The following SUN1 variants were observed in gnomAD, a reference collection of about 807,000 sequenced individuals.
SUN1 encodes SUN domain-containing protein 1.
Under a neutral mutation model 103.2 loss-of-function variants are expected in SUN1, and 61 were observed. That is an observed-to-expected ratio of 0.59 (90% confidence interval 0.48 to 0.73). The LOEUF (loss-of-function observed/expected upper bound fraction) is 0.73. Among genes scored for constraint, SUN1 ranks in the 30% least tolerant of loss-of-function variants. SUN1 has a pLI of 0.00. For missense variants in SUN1, 1,052 were observed against 1,034.6 expected, an observed-to-expected ratio of 1.02 and a Z score of -0.23; for synonymous variants, 490 against 425.7, an observed-to-expected ratio of 1.15 and a Z score of -1.86.
At chr7:847,211 TGGC>T (rs1562654997) in intron 5 of SUN1, among the ~76,000 whole-genome samples, 1 of 152,120 alleles carries the variant, frequency 6.6e-6, no homozygotes, top group Non-Finnish European at 1.5e-5. Flanking sequence ...CCAGCGGAGT[TGGC>T]GGCCTTCCCC....
chr7:866,132 C>A, intron 16 of SUN1, 65 bp downstream of exon 16: 2 of 1,386,002 alleles, frequency 1.4e-6, no homozygotes, highest in South Asian at 1.2e-5. Flanking sequence ...GTTCACGGGT[C>A]GTAGGTCCAC....
chr7:827,465 C>T (rs994309097), intron 1 of SUN1, among the ~76,000 whole-genome samples: 6 of 140,636 alleles, frequency 4.3e-5, no homozygotes, highest in South Asian at 2.4e-4. Context: ...ATCTAAAGTC[C>T]GTTTTTTTTT....
chr7:841,430 G>C (rs1376191394), intron 2 of SUN1, among the ~76,000 whole-genome samples: 2 of 151,756 alleles, frequency 1.3e-5, no homozygotes, highest in African/African-American at 4.8e-5. Flanking sequence ...TTTTAGTAGA[G>C]ATGGGGTTTC....
intron 1 of SUN1, among the ~76,000 whole-genome samples, chr7:822,265 G>A (rs1044282510): frequency 6.6e-6 from 1 of 152,214 alleles, no homozygotes; most frequent in Non-Finnish European, 1.5e-5. Flanking sequence ...TTTAAATTGT[G>A]TCTGTAATTA....
At chr7:830,840 T>C (rs1797260943), upstream of SUN1, 2 of 632,740 alleles carry the variant, frequency 3.2e-6, no homozygotes, top group Admixed American at 6.3e-5. Flanking sequence ...GGGCGTTCGC[T>C]GAGCCCAGCT....
intron 15 of SUN1, among the ~76,000 whole-genome samples, chr7:861,768 C>G (rs1016876699): frequency 1.3e-5 from 2 of 152,204 alleles, no homozygotes; most frequent in African/African-American, 4.8e-5. Context: ...GGGGATTGTT[C>G]AGTGCCTTCA....
At chr7:816,527 G>C (rs894172341), upstream of SUN1, 7 of 342,372 alleles carry the variant, frequency 2.0e-5, no homozygotes, top group Non-Finnish European at 3.9e-5. Context: ...TGGCCAGAAC[G>C]CTTCGGGTGG....
intron 15 of SUN1, among the ~76,000 whole-genome samples, chr7:864,091 C>G (rs1297155311): frequency 6.6e-6 from 1 of 152,082 alleles, no homozygotes; most frequent in East Asian, 1.9e-4. Context: ...AACTAATTAT[C>G]TATTTTTTAA....
intron 1 of SUN1, among the ~76,000 whole-genome samples, chr7:838,137 C>T (rs983997794): frequency 6.6e-6 from 1 of 152,244 alleles, no homozygotes; most frequent in Non-Finnish European, 1.5e-5. Context: ...ACTGCAGCCT[C>T]AAACTCCCAG....
At chr7:854,303 G>T (rs1292852606) in intron 10 of SUN1, among the ~76,000 whole-genome samples, 1 of 152,212 alleles carries the variant, frequency 6.6e-6, no homozygotes, top group South Asian at 2.1e-4. Flanking sequence ...GGCGGTGCGC[G>T]CAGCGTCAAA....
At chr7:852,744 G>A (rs1823439596) in intron 8 of SUN1, 66 bp from the exon 9 acceptor site, 2 of 1,613,382 alleles carry the variant, frequency 1.2e-6, no homozygotes, top group Non-Finnish European at 1.7e-6. Context: ...AAAAAAATGA[G>A]CGTGTAAGTC....
intron 1 of SUN1, among the ~76,000 whole-genome samples, chr7:817,116 G>C (rs1054174746): frequency 6.6e-6 from 1 of 152,038 alleles, no homozygotes; most frequent in Non-Finnish European, 1.5e-5. Context: ...GGCCGTGGGT[G>C]GGGTGGTGGG....
intron 5 of SUN1, among the ~76,000 whole-genome samples, chr7:845,151 G>GTAA (rs1160076216): frequency 6.6e-6 from 1 of 152,192 alleles, no homozygotes; most frequent in African/African-American, 2.4e-5. Context: ...GCGTGTTGTA[G>GTAA]TAAATGTGTG....
At chr7:849,852 T>G in intron 5 of SUN1, 2 of 1,474,922 alleles carry the variant, frequency 1.4e-6, no homozygotes, top group South Asian at 2.3e-5. Flanking sequence ...CTGCCATTGC[T>G]ATGCACGGCT....
At chr7:830,486 A>G (rs986767934), upstream of SUN1, among the ~76,000 whole-genome samples, 5 of 152,230 alleles carry the variant, frequency 3.3e-5, no homozygotes, top group Non-Finnish European at 1.5e-5. Flanking sequence ...ACATAGATGC[A>G]TTTTACTGGG....
At chr7:850,028 G>C (rs749572022) in intron 5 of SUN1, 12 of 1,587,466 alleles carry the variant, frequency 7.6e-6, no homozygotes, top group Non-Finnish European at 1.0e-5. Context: ...ATCTGGGCAT[G>C]TGCAGGTTGT....
chr7:835,900 A>G (rs1000937379), intron 1 of SUN1, among the ~76,000 whole-genome samples: 1 of 152,212 alleles, frequency 6.6e-6, no homozygotes, highest in Admixed American at 6.5e-5. Context: ...CCAGCCTCTC[A>G]TGGGGGTGTT....
chr7:841,928 G>GTT lies in SUN1; in HGVS notation c.267-10_267-9dup. 6.4e-7 allele frequency: 1 copy of GTT among 1,572,240 alleles called. No individual in the cohort carries two copies. The stretch of plus-strand genomic sequence containing the variant: ...GCTAGAAAAGATCTATAAACTTGCT[G>GTT]TTTTTTTTTCTTCTTAGAACAACAA... On this transcript the variant is annotated splice_polypyrimidine_tract_variant and intron_variant, in intron 2 of 18. Transcript: ENST00000401592.
At chr7:844,432 G>A (rs372936572) in intron 5 of SUN1, among the ~76,000 whole-genome samples, 7 of 152,370 alleles carry the variant, frequency 4.6e-5, no homozygotes, top group East Asian at 3.9e-4. Flanking sequence ...GACGTGGGGC[G>A]TTTGTCCAGT....
Sources: allele counts gnomAD v4.1 joint callset (sites outside exome capture counted in the v4.1 genomes callset), GRCh38; gene constraint gnomAD v4.1.1; transcripts MANE v1.5; gene names NCBI Gene and HGNC (gene_info 2026-07-23, HGNC 2026-07-21).